Variants in CFAP92 observed in about 807,000 individuals in gnomAD.
CFAP92 encodes the protein uncharacterized protein CFAP92.
CFAP92 carries 86 observed loss-of-function variants against 106.3 expected under a neutral mutation model. The ratio of observed to expected loss-of-function variants is 0.81; its 90% CI spans 0.68 to 0.97. The LOEUF is 0.97. CFAP92 is among the 50% of genes least tolerant of loss of function. The pLI, the probability that CFAP92 is intolerant of heterozygous loss-of-function variation, is 0.00. For missense variants in CFAP92, 1,204 were observed against 1,283.8 expected, an observed-to-expected ratio of 0.94 and a Z score of 0.95; for synonymous variants, 477 against 506.4, an observed-to-expected ratio of 0.94 and a Z score of 0.78.
At chr3:128,917,802 C>A (rs146781270) in intron 12 of CFAP92, among the ~76,000 whole-genome samples, 1 of 152,048 alleles carries the variant, frequency 6.6e-6, no homozygotes, top group African/African-American at 2.4e-5. Flanking sequence ...TTTCAGAAAG[C>A]AGTCCTGTAT....
rs1428266566 is a variant in CFAP92 at position 128,965,620 on chromosome 3, T to G, written c.1244A>C (p.Glu415Ala). ...ILDCLLTLKT[E>A]VPIMTEEQKQ... ...TTGCTCCTCGGTCATGATCGGAACT[T>G]CTGTTTTTAAAGTCAAAAGGCAATC... The change falls in exon 9 of 16, where the codon GAA (glutamate) becomes GCA (alanine). Residue 415 changes from glutamate (E) to alanine (A), a missense_variant. Coordinates refer to ENST00000645291, the MANE Select transcript of CFAP92 (RefSeq NM_001394090.1). 2.5e-6 allele frequency: 1 copy of G among 398,728 alleles called. No homozygotes were observed. Among genetic ancestry groups the G allele is most frequent in the East Asian group, 3.6e-5 (1 of 28,082 alleles). 24.7% of individuals were successfully genotyped at this position (398,728 alleles called of 1,614,324 possible).
At chr3:128,959,103 G>A (rs1454700650) in intron 9 of CFAP92, among the ~76,000 whole-genome samples, 10 of 152,008 alleles carry the variant, frequency 6.6e-5, no homozygotes, top group South Asian at 2.1e-4. Context: ...CCAGCTACTC[G>A]GGAGGCTGAG....
At chr3:128,928,637 A>C (rs1435195532) in intron 12 of CFAP92, among the ~76,000 whole-genome samples, 2 of 152,202 alleles carry the variant, frequency 1.3e-5, no homozygotes, top group East Asian at 3.9e-4. Context: ...AGACCCTTAC[A>C]TTGGACCTCA....
chr3:128,915,656 T>A lies in CFAP92; in HGVS notation c.2917-93A>T, dbSNP rs761866391. 9.1e-5 allele frequency: 73 copies of A among 804,602 alleles called. No homozygotes were observed. In the Middle Eastern group the frequency reaches 2.8e-3, roughly 30 times the overall value. 49.8% of individuals were successfully genotyped at this position (804,602 alleles called of 1,614,324 possible). ...GAATCAGAAACAGCTGGGGGCATAA[T>A]CATAGTTCCTGACAATGTAAATAGT... On this transcript the variant is annotated intron_variant, in intron 13 of 15. Coordinates refer to ENST00000645291, the MANE Select transcript of CFAP92 (RefSeq NM_001394090.1).
chr3:129,003,905 C>T (rs1001543279), upstream of CFAP92: 2 of 1,348,668 alleles, frequency 1.5e-6, no homozygotes, highest in Non-Finnish European at 1.9e-6. Context: ...GGCGGAGGCC[C>T]GCGCTGGGCG....
At chr3:128,991,036 A>T (rs1007078185) in intron 2 of CFAP92, among the ~76,000 whole-genome samples, 19 of 152,192 alleles carry the variant, frequency 1.2e-4, no homozygotes, top group Non-Finnish European at 2.8e-4. Flanking sequence ...TTGGCATGAT[A>T]AAAAAATACT....
At chr3:128,918,715 A>G (rs1160903503) in intron 12 of CFAP92, among the ~76,000 whole-genome samples, 3 of 152,198 alleles carry the variant, frequency 2.0e-5, no homozygotes, top group Non-Finnish European at 4.4e-5. Context: ...TATAAAGAGA[A>G]TATAGTTTTA....
At chr3:129,006,924 C>T (rs1188794399), upstream of CFAP92, among the ~76,000 whole-genome samples, 1 of 152,160 alleles carries the variant, frequency 6.6e-6, no homozygotes, top group Non-Finnish European at 1.5e-5. Context: ...GACAGAATAG[C>T]CATGGGCATT....
chr3:129,002,250 A>G, intron 1 of CFAP92: 2 of 1,531,184 alleles, frequency 1.3e-6, no homozygotes, highest in African/African-American at 1.4e-5. Context: ...GGAGGAGAAT[A>G]GCAGCTTGCG....
intron 4 of CFAP92, among the ~76,000 whole-genome samples, chr3:128,986,801 G>A (rs938870546): frequency 2.0e-5 from 3 of 152,144 alleles, no homozygotes; most frequent in Admixed American, 6.5e-5. Context: ...GAATTCTACC[G>A]TCTGGCTTCA....
chr3:128,922,580 A>C (rs1487493801), intron 12 of CFAP92, among the ~76,000 whole-genome samples: 1 of 152,216 alleles, frequency 6.6e-6, no homozygotes, highest in African/African-American at 2.4e-5. Flanking sequence ...TTGAAGGACT[A>C]GTAAATACTG....
At chr3:128,981,087 AG>A (rs1393461810) in intron 4 of CFAP92, among the ~76,000 whole-genome samples, 1 of 147,366 alleles carries the variant, frequency 6.8e-6, no homozygotes, top group East Asian at 2.0e-4. Context: ...CCCAGGCTGG[AG>A]TGCAGTGGTG....
intron 15 of CFAP92, chr3:128,910,599 G>C: frequency 1.1e-6 from 1 of 931,498 alleles, no homozygotes; most frequent in East Asian, 2.4e-5. Flanking sequence ...GCTGGAATTA[G>C]AACCCAAGAC....
At chr3:128,967,434 G>C (rs1275516978) in intron 8 of CFAP92, 1 of 152,240 alleles carries the variant, frequency 6.6e-6, no homozygotes, top group South Asian at 2.1e-4. Flanking sequence ...GGGTACGGTG[G>C]CTCACGCCTA....
In CFAP92 at chr3:128,984,050, CGGGGGACACCCACTGGGCACCAGGT is replaced by C. The variant is rs1943696584; in HGVS notation, c.667+3541_667+3565del. ...GCAGAGAGCTCTCAAGAACAACAGGCGGGGGACACCCACTGGGCACCAGGTGGGGGTGCCCAGAATTGAGAGCATA... is the reference window on the plus strand; with the variant it reads ...GCAGAGAGCTCTCAAGAACAACAGGCGGGGGTGCCCAGAATTGAGAGCATA... On this transcript the variant is annotated intron_variant, in intron 4 of 15. Coordinates refer to ENST00000645291, the MANE Select transcript of CFAP92 (RefSeq NM_001394090.1). Among the ~76,000 whole-genome samples, 7 of 152,224 alleles carry C rather than the reference CGGGGGACACCCACTGGGCACCAGGT, an allele frequency of 4.6e-5. No individual in the cohort carries two copies. The South Asian group carries it at 1.5e-3, about 32-fold the overall frequency.
Position 128,975,828 on chromosome 3 carries a change from A to G in CFAP92, c.972T>C (p.Ser324=). 1 of 1,608,094 alleles carries G rather than the reference A, an allele frequency of 6.2e-7. No homozygotes were observed. Among genetic ancestry groups the G allele is most frequent in the Non-Finnish European group, 8.5e-7 (1 of 1,176,922 alleles). ...SMMEIKELIE[S]ESLSSLTNIL... ...TGTTTGTTAAGCTGCTAAGTGATTC[A>G]CTCTCAATTAATTCCTTGATCTCCA... Residue 324 remains serine (S), a synonymous_variant, in exon 7 of 16, where the codon AGT becomes AGC. Transcript: ENST00000645291.
At chr3:128,912,849 C>G in intron 15 of CFAP92, 1 of 666,876 alleles carries the variant, frequency 1.5e-6, no homozygotes, top group Non-Finnish European at 2.8e-6. Flanking sequence ...AATGGAATTG[C>G]TGACCCCTGG....
In CFAP92 at chr3:128,915,202, C is replaced by CT. The variant is rs1434895293; in HGVS notation, c.3196dup (p.Arg1066LysfsTer7). The CT allele has an allele frequency of 1.3e-6, 2 of 1,535,994 alleles. No homozygotes were observed. The highest frequency in any genetic ancestry group is 2.7e-5 in the African/African-American group (2 of 73,022). ...GTACAGATCAAAGTCCACGTGGTGC[C>CT]TGTCCCAGCTCCACCTGTCTCGATC... On this transcript the variant is annotated frameshift_variant, in exon 15 of 16. Coordinates refer to ENST00000645291, the MANE Select transcript of CFAP92 (RefSeq NM_001394090.1). LOFTEE classifies it high-confidence loss of function.
At chr3:129,020,107 A>G in the CFAP92 span, among the ~76,000 whole-genome samples, 1 of 152,168 alleles carries the variant, frequency 6.6e-6, no homozygotes, top group Non-Finnish European at 1.5e-5. Context: ...TGTGGTTACC[A>G]TATTGGACGA....
Sources: gnomAD v4.1 joint callset for allele counts (sites outside exome capture counted in the v4.1 genomes callset) on GRCh38, gnomAD v4.1.1 for gene constraint, MANE v1.5 for transcripts, NCBI Gene and HGNC (gene_info 2026-07-23, HGNC 2026-07-21) for gene names.